Variants in KIAA1217 observed in about 807,000 individuals in gnomAD.
KIAA1217 encodes sickle tail protein homolog.
A neutral mutation model predicts 163.9 loss-of-function variants in KIAA1217; 88 were observed. That is an observed-to-expected ratio of 0.54 (90% CI 0.45 to 0.64). The LOEUF (loss-of-function observed/expected upper bound fraction) is 0.64. Ranked by LOEUF, KIAA1217 falls within the 30% of genes least tolerant of loss-of-function variation. The probability of loss-of-function intolerance (pLI) is 0.00; values close to 1 mark genes in which losing one functional copy is unlikely to be tolerated. For missense variants in KIAA1217, 2,372 were observed against 2,475.0 expected (o/e 0.96, Z 0.88); for synonymous variants, 903 against 923.1 (o/e 0.98, Z 0.39).
chr10:23,980,024 C>T (rs187562113), intron 1 of KIAA1217, among the ~76,000 whole-genome samples: 21 of 152,158 alleles, frequency 1.4e-4, no homozygotes, highest in East Asian at 1.2e-3. Flanking sequence ...GGTCATTTCA[C>T]GAATACCATA....
At chr10:23,911,619 G>T (rs150858934) in intron 1 of KIAA1217, among the ~76,000 whole-genome samples, 2 of 152,282 alleles carry the variant, frequency 1.3e-5, no homozygotes, top group Non-Finnish European at 2.9e-5. Flanking sequence ...GTTTGAAGAA[G>T]GAAAATGTAT....
chr10:24,302,555 T>G (rs1472071958), intron 2 of KIAA1217, among the ~76,000 whole-genome samples: 3 of 152,186 alleles, frequency 2.0e-5, no homozygotes, highest in African/African-American at 7.2e-5. Context: ...TAAGGGCATA[T>G]TAGGCACTGC....
chr10:24,349,511 A>T (rs542463137), intron 2 of KIAA1217, among the ~76,000 whole-genome samples: 1 of 152,186 alleles, frequency 6.6e-6, no homozygotes, highest in Non-Finnish European at 1.5e-5. Flanking sequence ...AGACAAGAAG[A>T]CTGAGCCTCA....
At chr10:24,055,076 A>G (rs1849793285) in intron 2 of KIAA1217, among the ~76,000 whole-genome samples, 1 of 152,034 alleles carries the variant, frequency 6.6e-6, no homozygotes, top group Admixed American at 6.6e-5. Flanking sequence ...AGACCATCCC[A>G]CAGAACATGG....
intron 2 of KIAA1217, among the ~76,000 whole-genome samples, chr10:24,016,853 A>G (rs939476967): frequency 6.6e-6 from 1 of 151,742 alleles, no homozygotes; most frequent in African/African-American, 2.4e-5. Context: ...GCAAGCATTT[A>G]AAAAAAACGT....
At position 24,470,024 on chromosome 10, in the gene KIAA1217, G is replaced by A. The variant is rs567336404; in HGVS notation, c.847-3204G>A. ...CACTGTGTAATGCTTTATAAACAGT[G>A]GCATATTTGAGTCGATGTGATGAAT... On this transcript the variant is annotated intron_variant, in intron 5 of 20. Transcript: ENST00000376454. Among the ~76,000 whole-genome samples the A allele has an allele frequency of 1.4e-3, 218 of 152,258 alleles. 1 individual carries two copies. Among genetic ancestry groups the A allele is most frequent in the African/African-American group, 5.1e-3 (210 of 41,560 alleles).
chr10:23,922,175 G>A (rs1842875735), intron 1 of KIAA1217, among the ~76,000 whole-genome samples: 1 of 152,072 alleles, frequency 6.6e-6, no homozygotes, highest in Admixed American at 6.6e-5. Flanking sequence ...TGCAACCTCT[G>A]TAGAAACCCT....
intron 2 of KIAA1217, among the ~76,000 whole-genome samples, chr10:24,097,424 A>G (rs1342742316): frequency 2.6e-5 from 4 of 152,058 alleles, no homozygotes; most frequent in Admixed American, 2.6e-4. Flanking sequence ...GTGGTGGCTT[A>G]TGCCTGTAGT....
At position 24,000,978 on chromosome 10, in the gene KIAA1217, C is replaced by T. The variant is rs188639006; in HGVS notation, c.-320-6247C>T. 1.6e-4 allele frequency among the ~76,000 whole-genome samples: 25 copies of T among 152,262 alleles called. No individual in the cohort carries two copies. The East Asian group carries it at 4.6e-3, about 28-fold the overall frequency. On this transcript the variant is annotated intron_variant, in intron 1 of 18. Coordinates refer to the KIAA1217 transcript ENST00000376462. Reference sequence around the variant, plus strand: ...CTTTTGAATGAAGACCAGATAATCTCTTGGAGTTCTTTAGTACATTGAGGT... The same window carrying T: ...CTTTTGAATGAAGACCAGATAATCTTTTGGAGTTCTTTAGTACATTGAGGT...
intron 17 of KIAA1217, among the ~76,000 whole-genome samples, chr10:24,538,510 A>G (rs1012581030): frequency 7.0e-6 from 1 of 143,828 alleles, no homozygotes; most frequent in African/African-American, 2.5e-5. Flanking sequence ...AGATGAAAGA[A>G]AGAGAGAGAG....
At chr10:23,827,869 G>T (rs1837975171) in intron 1 of KIAA1217, among the ~76,000 whole-genome samples, 1 of 152,098 alleles carries the variant, frequency 6.6e-6, no homozygotes, top group South Asian at 2.1e-4. Context: ...CAGAAAGGGT[G>T]ACTTCCCCTG....
chr10:24,153,403 C>T (rs2131864329), intron 2 of KIAA1217, among the ~76,000 whole-genome samples: 1 of 152,338 alleles, frequency 6.6e-6, no homozygotes, highest in African/African-American at 2.4e-5. Context: ...TCTGTGGTTA[C>T]ATGGTACCAT....
At chr10:24,005,893 G>A (rs988270026) in intron 1 of KIAA1217, among the ~76,000 whole-genome samples, 7 of 152,194 alleles carry the variant, frequency 4.6e-5, no homozygotes, top group African/African-American at 9.6e-5. Context: ...CTAGAACCTC[G>A]AATATAGATT....
At chr10:24,342,991 A>G (rs942935927) in intron 2 of KIAA1217, among the ~76,000 whole-genome samples, 8 of 152,260 alleles carry the variant, frequency 5.3e-5, no homozygotes, top group African/African-American at 1.9e-4. Flanking sequence ...GTTTACCATC[A>G]TATGAATTAT....
chr10:23,842,380 G>T (rs1162670569), intron 1 of KIAA1217, among the ~76,000 whole-genome samples: 1 of 152,008 alleles, frequency 6.6e-6, no homozygotes, highest in East Asian at 1.9e-4. Context: ...TTTCACTTTT[G>T]GGCCAACCAC....
At chr10:24,158,787 G>A (rs1009928465) in intron 2 of KIAA1217, 8 of 460,888 alleles carry the variant, frequency 1.7e-5, no homozygotes, top group South Asian at 8.9e-5. Context: ...ATGTCTGGCC[G>A]GTAGTAGAAG....
intron 1 of KIAA1217, among the ~76,000 whole-genome samples, chr10:23,947,462 C>A (rs1844109038): frequency 6.6e-6 from 1 of 152,148 alleles, no homozygotes; most frequent in South Asian, 2.1e-4. Flanking sequence ...GCCAGGCTTT[C>A]CTTTTAGCCG....
intron 1 of KIAA1217, among the ~76,000 whole-genome samples, chr10:24,007,056 C>A (rs1364851967): frequency 1.3e-5 from 2 of 151,988 alleles, no homozygotes; most frequent in Non-Finnish European, 2.9e-5. Flanking sequence ...CTTTGGATAA[C>A]TATAAAGCCC....
intron 1 of KIAA1217, among the ~76,000 whole-genome samples, chr10:23,794,256 A>G (rs1012632135): frequency 1.3e-5 from 2 of 152,320 alleles, no homozygotes; most frequent in African/African-American, 4.8e-5. Flanking sequence ...CACTAATCAT[A>G]AAGTCTTTAC....
Sources: allele counts gnomAD v4.1 joint callset (sites outside exome capture counted in the v4.1 genomes callset), GRCh38; gene constraint gnomAD v4.1.1; transcripts MANE v1.5; gene names NCBI Gene and HGNC (gene_info 2026-07-23, HGNC 2026-07-21).